The following SGCZ variants were observed in gnomAD, a reference collection of about 807,000 sequenced individuals.
The protein encoded by SGCZ is sarcoglycan zeta.
In SGCZ, 40 loss-of-function variants were observed where a neutral mutation model predicts 41.3. That is an observed-to-expected ratio of 0.97 (90% CI 0.75 to 1.26). SGCZ has a LOEUF of 1.26. Ranked by LOEUF, SGCZ falls within the 50% of genes most tolerant of loss-of-function variation. SGCZ has a pLI of 0.00. For synonymous variants in SGCZ, 206 were observed against 137.5 expected, an observed-to-expected ratio of 1.50 and a Z score of -3.49; for missense variants, 552 against 369.8, an observed-to-expected ratio of 1.49 and a Z score of -4.04.
At chr8:14,144,840 G>A (rs1803474646) in intron 5 of SGCZ, among the ~76,000 whole-genome samples, 1 of 152,130 alleles carries the variant, frequency 6.6e-6, no homozygotes, top group Non-Finnish European at 1.5e-5. Flanking sequence ...GTGGTAGTCT[G>A]ACCGTACTCC....
At chr8:14,543,684 T>G (rs1426275675) in intron 2 of SGCZ, among the ~76,000 whole-genome samples, 1 of 152,126 alleles carries the variant, frequency 6.6e-6, no homozygotes, top group Non-Finnish European at 1.5e-5. Context: ...GTTAAGAACT[T>G]GGACTACACT....
At chr8:14,628,255 C>T (rs549216524) in intron 1 of SGCZ, among the ~76,000 whole-genome samples, 5 of 151,856 alleles carry the variant, frequency 3.3e-5, no homozygotes, top group Non-Finnish European at 7.4e-5. Flanking sequence ...AAAGCTTGAA[C>T]AAAAAATAAA....
chr8:14,974,484 G>T (rs1422303429), intron 1 of SGCZ, among the ~76,000 whole-genome samples: 1 of 152,088 alleles, frequency 6.6e-6, no homozygotes, highest in Non-Finnish European at 1.5e-5. Flanking sequence ...CATTTCCTAG[G>T]TGCTAGCTTA....
intron 1 of SGCZ, among the ~76,000 whole-genome samples, chr8:15,003,471 G>A (rs1042479462): frequency 3.3e-5 from 5 of 152,116 alleles, no homozygotes; most frequent in African/African-American, 1.2e-4. Context: ...GCTATAAGGT[G>A]ATTGATAAAA....
At chr8:14,466,435 C>T (rs1000433233) in intron 2 of SGCZ, among the ~76,000 whole-genome samples, 6 of 151,948 alleles carry the variant, frequency 3.9e-5, no homozygotes, top group Non-Finnish European at 8.8e-5. Context: ...TAGATTATAA[C>T]ATGTATTGAA....
chr8:15,025,408 A>C (rs1387766131), intron 1 of SGCZ, among the ~76,000 whole-genome samples: 1 of 152,208 alleles, frequency 6.6e-6, no homozygotes, highest in African/African-American at 2.4e-5. Flanking sequence ...TACAGTTTTA[A>C]AGGGCAGGAA....
intron 1 of SGCZ, among the ~76,000 whole-genome samples, chr8:15,041,990 G>T (rs1320563845): frequency 6.6e-6 from 1 of 152,076 alleles, no homozygotes; most frequent in African/African-American, 2.4e-5. Context: ...GCTAAAGGAA[G>T]AAAATGAAAA....
intron 3 of SGCZ, among the ~76,000 whole-genome samples, chr8:14,294,091 G>C (rs1012154245): frequency 6.6e-6 from 1 of 151,604 alleles, no homozygotes; most frequent in African/African-American, 2.4e-5. Flanking sequence ...ATATATTCTA[G>C]TTATTACAAC....
At chr8:15,153,356 A>C (rs915975907) in intron 1 of SGCZ, among the ~76,000 whole-genome samples, 3 of 152,178 alleles carry the variant, frequency 2.0e-5, no homozygotes, top group Admixed American at 6.5e-5. Context: ...TGGAATGTGC[A>C]CCTCATATTT....
chr8:14,633,786 C>A (rs892811703), intron 1 of SGCZ, among the ~76,000 whole-genome samples: 16 of 151,968 alleles, frequency 1.1e-4, no homozygotes, highest in Admixed American at 5.3e-4. Flanking sequence ...TAATAAAAGA[C>A]CTGATGCTAA....
intron 3 of SGCZ, among the ~76,000 whole-genome samples, chr8:14,265,538 G>C (rs28769717): frequency 0.035 from 5,350 of 152,092 alleles, 286 homozygotes; most frequent in African/African-American, 0.11. Flanking sequence ...GCTCTGTTTA[G>C]AAACAGCTAC....
At chr8:14,937,207 A>G (rs1026381197) in intron 1 of SGCZ, among the ~76,000 whole-genome samples, 4 of 152,098 alleles carry the variant, frequency 2.6e-5, no homozygotes, top group Non-Finnish European at 5.9e-5. Context: ...AAGCTAGATC[A>G]AAAATATAGA....
intron 1 of SGCZ, among the ~76,000 whole-genome samples, chr8:14,844,154 T>A (rs1803020123): frequency 6.6e-6 from 1 of 152,100 alleles, no homozygotes; most frequent in African/African-American, 2.4e-5. Flanking sequence ...GTTTCTCATA[T>A]AAAATGGCAT....
chr8:14,561,471 G>A (rs1196110507), intron 1 of SGCZ, among the ~76,000 whole-genome samples: 1 of 152,026 alleles, frequency 6.6e-6, no homozygotes, highest in Non-Finnish European at 1.5e-5. Flanking sequence ...CCTCCCTTTT[G>A]ATGTTAATTC....
chr8:14,453,423 G>T (rs1800655085), intron 2 of SGCZ, among the ~76,000 whole-genome samples: 1 of 152,026 alleles, frequency 6.6e-6, no homozygotes, highest in Admixed American at 6.6e-5. Flanking sequence ...AGACATTTTT[G>T]TTTATTTTGT....
chr8:14,093,439 G>A (rs1433914966), intron 7 of SGCZ, among the ~76,000 whole-genome samples: 4 of 152,036 alleles, frequency 2.6e-5, no homozygotes, highest in Non-Finnish European at 5.9e-5. Flanking sequence ...ACAAGATCTG[G>A]CCTATCTCTC....
chr8:14,413,853 T>G (rs1799425448), intron 2 of SGCZ, among the ~76,000 whole-genome samples: 1 of 151,962 alleles, frequency 6.6e-6, no homozygotes, highest in South Asian at 2.1e-4. Flanking sequence ...AACAGAATCT[T>G]TCTTTGATTT....
chr8:14,991,536 G>A (rs182562654), intron 1 of SGCZ, among the ~76,000 whole-genome samples: 3 of 152,186 alleles, frequency 2.0e-5, no homozygotes, highest in Non-Finnish European at 2.9e-5. Context: ...ATCTGGCCAC[G>A]TGATGCTTTC....
In SGCZ at chr8:15,133,906, C is replaced by A. The variant is rs28475002; in HGVS notation, c.39+103679G>T. Reference sequence around the variant, plus strand: ...TAATTTTTGAGGGAAGTCTATTTTTCTTAGTAAGCCTGGTATTAGGCATCT... The same window carrying A: ...TAATTTTTGAGGGAAGTCTATTTTTATTAGTAAGCCTGGTATTAGGCATCT... On this transcript the variant is annotated intron_variant, in intron 1 of 7. Coordinates refer to ENST00000382080, the MANE Select transcript of SGCZ (RefSeq NM_139167.4). Among the ~76,000 whole-genome samples, 607 of 152,182 alleles carry A rather than the reference C, an allele frequency of 4.0e-3. 7 individuals carry two copies. Among genetic ancestry groups the A allele is most frequent in the African/African-American group, 0.014 (585 of 41,542 alleles).
Sources: gnomAD v4.1 joint callset for allele counts (sites outside exome capture counted in the v4.1 genomes callset) on GRCh38, gnomAD v4.1.1 for gene constraint, MANE v1.5 for transcripts, NCBI Gene and HGNC (gene_info 2026-07-23, HGNC 2026-07-21) for gene names.